The following PLCL2 variants were observed in gnomAD, a reference collection of about 807,000 sequenced individuals.
The protein encoded by PLCL2 is inactive phospholipase C-like protein 2.
PLCL2 carries 4 observed loss-of-function variants against 79.6 expected under a neutral mutation model. The observed-to-expected ratio is 0.05, with a 90% CI of 0.02 to 0.11. The LOEUF is 0.11. Among genes scored for constraint, PLCL2 ranks in the 10% least tolerant of loss-of-function variants. The probability of loss-of-function intolerance (pLI) is 1.00; values close to 1 mark genes in which losing one functional copy is unlikely to be tolerated. For synonymous variants in PLCL2, 484 were observed against 457.7 expected (o/e 1.06, Z -0.73); for missense variants, 895 against 1,291.0 (o/e 0.69, Z 4.70).
chr3:16,966,955 G>T (rs116815872), intron 1 of PLCL2, among the ~76,000 whole-genome samples: 1 of 152,072 alleles, frequency 6.6e-6, no homozygotes, highest in South Asian at 2.1e-4. Context: ...CCTGGTGCCT[G>T]TTCTTCCCTT....
chr3:16,909,480 G>T (rs997005487), intron 1 of PLCL2, among the ~76,000 whole-genome samples: 3 of 152,148 alleles, frequency 2.0e-5, no homozygotes, highest in African/African-American at 2.4e-5. Context: ...TTTAGATATC[G>T]CTATTTTTAC....
intron 5 of PLCL2, among the ~76,000 whole-genome samples, chr3:17,083,690 A>G (rs1213079857): frequency 6.6e-6 from 1 of 152,186 alleles, no homozygotes; most frequent in African/African-American, 2.4e-5. Flanking sequence ...AACTTTATAT[A>G]TATGTTTTGA....
chr3:16,974,918 C>T (rs140432712), intron 1 of PLCL2, among the ~76,000 whole-genome samples: 58 of 152,300 alleles, frequency 3.8e-4, no homozygotes, highest in African/African-American at 1.4e-3. Context: ...GGGCTTAAAT[C>T]CATGGCCCAG....
chr3:16,921,143 T>A (rs1697116043), intron 1 of PLCL2, among the ~76,000 whole-genome samples: 1 of 152,210 alleles, frequency 6.6e-6, no homozygotes. Context: ...GCTTCTTAAG[T>A]GTGTTTATAG....
intron 1 of PLCL2, among the ~76,000 whole-genome samples, chr3:16,941,777 C>G (rs185560872): frequency 1.5e-4 from 23 of 151,790 alleles, no homozygotes; most frequent in South Asian, 1.0e-3. Flanking sequence ...TAAATAAAAC[C>G]GAACAGAATA....
At position 17,010,981 on chromosome 3, in the gene PLCL2, A is replaced by G. The variant is rs2064314990; in HGVS notation, c.1635A>G (p.Thr545=). The part of the protein sequence containing the change: ...MKKLLGDKLY[T]TSPNVEESYL... Reference sequence around the variant, plus strand: ...AACTTTTAGGAGACAAGCTCTATACAACATCACCCAATGTTGAGGAATCTT... The same window carrying G: ...AACTTTTAGGAGACAAGCTCTATACGACATCACCCAATGTTGAGGAATCTT... Residue 545 remains threonine (T), a synonymous_variant, in exon 2 of 6, where the codon ACA becomes ACG. Coordinates refer to ENST00000615277, the MANE Select transcript of PLCL2 (RefSeq NM_001144382.2). This position sits in a 1 kb window ranked among gnomAD's most constrained non-coding sequence, Gnocchi z 5.8. 1.2e-6 allele frequency: 2 copies of G among 1,614,036 alleles called. No individual in the cohort carries two copies. The highest frequency in any genetic ancestry group is 2.2e-5 in the South Asian group (2 of 91,070).
At chr3:16,983,244 C>G (rs1046299985) in intron 1 of PLCL2, among the ~76,000 whole-genome samples, 2 of 152,196 alleles carry the variant, frequency 1.3e-5, no homozygotes, top group African/African-American at 4.8e-5. Flanking sequence ...AATCCATTTT[C>G]CTTTGGATTT....
intron 1 of PLCL2, among the ~76,000 whole-genome samples, chr3:17,002,265 G>A (rs2064219111): frequency 6.6e-6 from 1 of 152,010 alleles, no homozygotes; most frequent in Admixed American, 6.6e-5. Context: ...TTTGTTGATG[G>A]AGTCTTTAGA....
intron 1 of PLCL2, among the ~76,000 whole-genome samples, chr3:16,959,722 A>G (rs1324201916): frequency 6.6e-6 from 1 of 152,162 alleles, no homozygotes; most frequent in Non-Finnish European, 1.5e-5. Context: ...CTTGGTCGTC[A>G]ATACCATATC....
At chr3:17,089,105 G>C (rs1370828914) in intron 5 of PLCL2, among the ~76,000 whole-genome samples, 1 of 152,170 alleles carries the variant, frequency 6.6e-6, no homozygotes, top group East Asian at 1.9e-4. Flanking sequence ...CCAGGGTTTA[G>C]GGATGGTGGA....
intron 5 of PLCL2, among the ~76,000 whole-genome samples, chr3:17,077,848 G>A (rs1347827429): frequency 6.6e-6 from 1 of 152,190 alleles, no homozygotes; most frequent in Non-Finnish European, 1.5e-5. Flanking sequence ...ATAGCAAGCT[G>A]TTCGGAAACC....
intron 1 of PLCL2, among the ~76,000 whole-genome samples, chr3:16,917,536 A>G (rs560870645): frequency 6.6e-6 from 1 of 152,156 alleles, no homozygotes; most frequent in Non-Finnish European, 1.5e-5. Context: ...CACTTCCAGG[A>G]TGGCTTCCAT....
At chr3:16,955,473 C>T (rs1171575385) in intron 1 of PLCL2, among the ~76,000 whole-genome samples, 1 of 152,142 alleles carries the variant, frequency 6.6e-6, no homozygotes. Flanking sequence ...ATGCCTCCAG[C>T]TTTGTTCTTT....
At chr3:16,944,177 G>A (rs2063580323) in intron 1 of PLCL2, among the ~76,000 whole-genome samples, 2 of 152,182 alleles carry the variant, frequency 1.3e-5, no homozygotes, top group Non-Finnish European at 1.5e-5. Context: ...ACATTATAAT[G>A]ATGTTGTAAG....
intron 1 of PLCL2, among the ~76,000 whole-genome samples, chr3:16,973,423 A>G (rs1488427184): frequency 2.1e-5 from 3 of 144,526 alleles, no homozygotes; most frequent in East Asian, 2.0e-4. Flanking sequence ...GTCATCTTGT[A>G]TAGTATTTCA....
chr3:16,926,211 T>A (rs1697246272), intron 1 of PLCL2, among the ~76,000 whole-genome samples: 1 of 152,242 alleles, frequency 6.6e-6, no homozygotes, highest in Non-Finnish European at 1.5e-5. Flanking sequence ...TTCTATTTAA[T>A]CAGCTTTAAG....
chr3:16,995,316 T>C (rs945880875), intron 1 of PLCL2, among the ~76,000 whole-genome samples: 5 of 152,268 alleles, frequency 3.3e-5, no homozygotes, highest in Non-Finnish European at 7.3e-5. Flanking sequence ...TTGTTGACCT[T>C]TTAAAACAGG....
intron 1 of PLCL2, among the ~76,000 whole-genome samples, chr3:16,910,868 A>T: frequency 6.6e-6 from 1 of 151,982 alleles, no homozygotes; most frequent in East Asian, 1.9e-4. Flanking sequence ...TTCTTATCTC[A>T]TGTACTACAT....
At chr3:16,952,688 A>G (rs1172629792) in intron 1 of PLCL2, among the ~76,000 whole-genome samples, 1 of 152,118 alleles carries the variant, frequency 6.6e-6, no homozygotes, top group Admixed American at 6.5e-5. Flanking sequence ...TATGCATACA[A>G]TAAAAGGTTA....
Sources: gnomAD v4.1 joint callset for allele counts (sites outside exome capture counted in the v4.1 genomes callset) on GRCh38, gnomAD v4.1.1 for gene constraint, Gnocchi (gnomAD v3.1) non-coding constraint, MANE v1.5 for transcripts, NCBI Gene and HGNC (gene_info 2026-07-23, HGNC 2026-07-21) for gene names.